The following RTN1 variants were observed in gnomAD, a reference collection of about 807,000 sequenced individuals.
RTN1 encodes the protein reticulon-1.
RTN1 carries 25 observed loss-of-function variants against 65.5 expected under a neutral mutation model. The ratio of observed to expected loss-of-function variants is 0.38; its 90% CI spans 0.28 to 0.53. RTN1 has a LOEUF of 0.53. Among genes scored for constraint, RTN1 ranks in the 20% least tolerant of loss-of-function variants. RTN1 has a pLI of 0.79. For missense variants in RTN1, 983 were observed against 1,025.4 expected, an observed-to-expected ratio of 0.96 and a Z score of 0.57; for synonymous variants, 471 against 447.6, an observed-to-expected ratio of 1.05 and a Z score of -0.66.
rs941391619 is a variant in RTN1, at chr14:59,846,331, G to A, written c.241+24059C>T. Among the ~76,000 whole-genome samples, 1 of 152,028 alleles carries A rather than the reference G, an allele frequency of 6.6e-6. No individual in the cohort carries two copies. The highest frequency in any genetic ancestry group is 6.6e-5 in the Admixed American group (1 of 15,258). ...ACAGCAGACATCACTCATTAATCCC[G>A]GCATTCTTTCCACAGCACTCTTCTC... On this transcript the variant is annotated intron_variant, in intron 1 of 8. Transcript: ENST00000267484. This position sits in a 1 kb window ranked among gnomAD's most constrained non-coding sequence, Gnocchi z 4.8.
chr14:59,807,076 A>G lies in RTN1; in HGVS notation c.242-60595T>C, dbSNP rs1026733840. Among the ~76,000 whole-genome samples, 18 of 152,346 alleles carry G rather than the reference A, an allele frequency of 1.2e-4. 1 individual carries two copies. Among genetic ancestry groups the G allele is most frequent in the Admixed American group, 8.5e-4 (13 of 15,310 alleles). ...TCATTCAATGTGATAAAAGTGTTAAAGTTGGAGAGGCTGAGAGAGTGAAAG... is the reference window on the plus strand; with the variant it reads ...TCATTCAATGTGATAAAAGTGTTAAGGTTGGAGAGGCTGAGAGAGTGAAAG... On this transcript the variant is annotated intron_variant, in intron 1 of 8. Coordinates refer to ENST00000267484, the MANE Select transcript of RTN1 (RefSeq NM_021136.3).
chr14:59,821,586 C>T (rs1886945142), intron 1 of RTN1, among the ~76,000 whole-genome samples: 1 of 152,136 alleles, frequency 6.6e-6, no homozygotes, highest in Non-Finnish European at 1.5e-5. Context: ...ATCCTTGTCT[C>T]ATTCTGGTTC....
intron 3 of RTN1, among the ~76,000 whole-genome samples, chr14:59,672,122 C>T (rs1386821990): frequency 6.6e-6 from 1 of 152,042 alleles, no homozygotes; most frequent in African/African-American, 2.4e-5. Flanking sequence ...GGAAGAGTGC[C>T]CTGGCTTTGC....
rs796334225 is a variant in RTN1 at position 59,749,266 on chromosome 14, C to CTA, written c.242-2787_242-2786dup. On this transcript the variant is annotated intron_variant, in intron 1 of 8. Coordinates refer to ENST00000267484, the MANE Select transcript of RTN1 (RefSeq NM_021136.3). ...TATATATCTATATATCTATATATAT[C>CTA]TATATATATATCTATATATATCTAT... Among the ~76,000 whole-genome samples the CTA allele has an allele frequency of 5.5e-3, 110 of 19,826 alleles. 10 individuals carry two copies. The highest frequency in any genetic ancestry group is 0.015 in the African/African-American group (43 of 2,786). 13.0% of individuals were successfully genotyped at this position (19,826 alleles called of 152,430 possible). A position where few individuals can be genotyped will look rare whatever the true frequency, so the allele number is the denominator to read the frequency against.
intron 3 of RTN1, among the ~76,000 whole-genome samples, chr14:59,653,068 T>C (rs889951109): frequency 1.3e-5 from 2 of 152,056 alleles, no homozygotes; most frequent in Non-Finnish European, 2.9e-5. Context: ...TCAACAGATA[T>C]AAGAACACAA....
intron 1 of RTN1, among the ~76,000 whole-genome samples, chr14:59,765,017 C>T (rs547009033): frequency 3.9e-5 from 6 of 152,096 alleles, no homozygotes; most frequent in African/African-American, 1.4e-4. Flanking sequence ...TCATTGAAGT[C>T]CAGAGACGTA....
intron 1 of RTN1, among the ~76,000 whole-genome samples, chr14:59,757,815 G>A (rs1193183634): frequency 6.6e-6 from 1 of 152,080 alleles, no homozygotes; most frequent in Non-Finnish European, 1.5e-5. Context: ...AGTTTATGGT[G>A]TTTTGTTACA....
In RTN1 at chr14:59,749,290, ATATAT is replaced by A. The variant is rs1885327049; in HGVS notation, c.242-2814_242-2810del. Among the ~76,000 whole-genome samples the A allele has an allele frequency of 4.6e-5, 2 of 43,270 alleles. 1 individual carries two copies. Among genetic ancestry groups the A allele is most frequent in the South Asian group, 1.2e-3 (2 of 1,642 alleles). The allele number at this position is 43,270 out of a possible 152,430, so 28.4% of individuals were successfully genotyped here. A position where few individuals can be genotyped will look rare whatever the true frequency, so the allele number is the denominator to read the frequency against. On this transcript the variant is annotated intron_variant, in intron 1 of 8. Coordinates refer to ENST00000267484, the MANE Select transcript of RTN1 (RefSeq NM_021136.3). The stretch of plus-strand genomic sequence containing the variant: ...TCTATATATATATCTATATATATCT[ATATAT>A]ATCTATATATATCTATATATATATC...
chr14:59,712,868 T>A (rs1228161337), intron 3 of RTN1, among the ~76,000 whole-genome samples: 3 of 140,400 alleles, frequency 2.1e-5, no homozygotes, highest in Non-Finnish European at 4.5e-5. Flanking sequence ...CTGAAATCAC[T>A]CCCATTGCAC....
chr14:59,809,328 C>A (rs1341333881), intron 1 of RTN1, among the ~76,000 whole-genome samples: 1 of 151,916 alleles, frequency 6.6e-6, no homozygotes, highest in African/African-American at 2.4e-5. Flanking sequence ...TGGTGGCTTG[C>A]CATTCCATGC....
At chr14:59,696,666 A>T (rs1445581009) in intron 3 of RTN1, among the ~76,000 whole-genome samples, 1 of 151,878 alleles carries the variant, frequency 6.6e-6, no homozygotes, top group Admixed American at 6.6e-5. Flanking sequence ...GTCCACTGTG[A>T]CTCCCAGGTC....
intron 1 of RTN1, among the ~76,000 whole-genome samples, chr14:59,843,014 T>C (rs1456153111): frequency 2.6e-5 from 4 of 152,170 alleles, no homozygotes; most frequent in Non-Finnish European, 5.9e-5. Context: ...TTTCCACAGG[T>C]TCACAAAATA....
At chr14:59,647,461 C>G (rs1882924227) in intron 3 of RTN1, among the ~76,000 whole-genome samples, 1 of 152,070 alleles carries the variant, frequency 6.6e-6, no homozygotes, top group Admixed American at 6.5e-5. Flanking sequence ...TGATAGATCT[C>G]CACAGAACTC....
intron 1 of RTN1, among the ~76,000 whole-genome samples, chr14:59,747,327 AG>A (rs1885248228): frequency 6.6e-6 from 1 of 152,216 alleles, no homozygotes; most frequent in Non-Finnish European, 1.5e-5. Flanking sequence ...TAGTGGGCAT[AG>A]GCCAGGTGCA....
intron 3 of RTN1, among the ~76,000 whole-genome samples, chr14:59,723,784 C>T (rs1393024771): frequency 6.6e-6 from 1 of 152,202 alleles, no homozygotes; most frequent in African/African-American, 2.4e-5. Context: ...ATAATATCAA[C>T]ATGGCTGGTC....
rs556815115 is a variant in RTN1 at position 59,610,796 on chromosome 14, A to G, written c.1766-3304T>C. Reference sequence around the variant, plus strand: ...AGGAGTCATGCAGCTGGAGGCTACAAGATTCTGACCCTCCCTAAACTGCTC... The same window carrying G: ...AGGAGTCATGCAGCTGGAGGCTACAGGATTCTGACCCTCCCTAAACTGCTC... On this transcript the variant is annotated intron_variant, in intron 3 of 8. Coordinates refer to ENST00000267484, the MANE Select transcript of RTN1 (RefSeq NM_021136.3). Among the ~76,000 whole-genome samples, 9 of 152,322 alleles carry G rather than the reference A, an allele frequency of 5.9e-5. No individual in the cohort carries two copies. The East Asian group carries it at 1.7e-3, about 29-fold the overall frequency.
chr14:59,746,137 A>T lies in RTN1; in HGVS notation c.586T>A (p.Tyr196Asn), dbSNP rs763875952. 6.2e-7 allele frequency: 1 copy of T among 1,609,702 alleles called. No homozygotes were observed. Among genetic ancestry groups the T allele is most frequent in the African/African-American group, 1.3e-5 (1 of 74,590 alleles). Reference sequence around the variant, plus strand: ...TCCTCGGGTCTGGTTATGTCAATGTATTTATAGGCCTCTGCTTTCATCTGG... The same window carrying T: ...TCCTCGGGTCTGGTTATGTCAATGTTTTTATAGGCCTCTGCTTTCATCTGG... ...LDQMKAEAYK[Y>N]IDITRPEEVK... Residue 196 changes from tyrosine to asparagine, a missense_variant, in exon 2 of 9, where the codon TAC (tyrosine) becomes AAC (asparagine). By Grantham distance (143) the Tyr-to-Asn change is moderately radical. This residue lies in a region of RTN1 where 818 missense variants were observed against 801.8 expected (regional missense o/e 1.02). Coordinates refer to ENST00000267484, the MANE Select transcript of RTN1 (RefSeq NM_021136.3).
At chr14:59,632,899 A>G (rs145823611) in intron 3 of RTN1, among the ~76,000 whole-genome samples, 44 of 152,228 alleles carry the variant, frequency 2.9e-4, no homozygotes, top group African/African-American at 9.4e-4. Flanking sequence ...GCTCAAGACC[A>G]GCCTGGGCAA....
intron 8 of RTN1, 52 bp downstream of exon 8, chr14:59,603,013 A>C (rs1881627578): frequency 6.8e-7 from 1 of 1,470,874 alleles, no homozygotes; most frequent in East Asian, 2.3e-5. Context: ...AATCCACTCA[A>C]ATGCTGATGT....
Sources: allele counts gnomAD v4.1 joint callset (sites outside exome capture counted in the v4.1 genomes callset), GRCh38; gene constraint gnomAD v4.1.1; regional missense constraint gnomAD v4.1.1; non-coding constraint Gnocchi (gnomAD v3.1); transcripts MANE v1.5; gene names NCBI Gene and HGNC (gene_info 2026-07-23, HGNC 2026-07-21).